NKAIN2: variants seen among roughly 807,000 people sequenced by gnomAD.
The protein encoded by NKAIN2 is sodium/potassium transporting ATPase interacting 2.
Under a neutral mutation model 32.6 loss-of-function variants are expected in NKAIN2, and 14 were observed. The ratio of observed to expected loss-of-function variants is 0.43; its 90% confidence interval spans 0.28 to 0.67. The LOEUF (loss-of-function observed/expected upper bound fraction) is 0.67. Among genes scored for constraint, NKAIN2 ranks in the 30% least tolerant of loss-of-function variants. The pLI is 0.17. For missense variants in NKAIN2, 198 were observed against 258.3 expected (o/e 0.77, Z 1.60); for synonymous variants, 80 against 87.2 (o/e 0.92, Z 0.46).
At chr6:124,562,700 CA>C (rs1488975869) in intron 3 of NKAIN2, among the ~76,000 whole-genome samples, 1 of 151,862 alleles carries the variant, frequency 6.6e-6, no homozygotes, top group Non-Finnish European at 1.5e-5. Flanking sequence ...TTTTCCAAAG[CA>C]AAAAACTTCC....
chr6:123,854,674 A>G (rs1475497281), intron 1 of NKAIN2, among the ~76,000 whole-genome samples: 2 of 152,176 alleles, frequency 1.3e-5, no homozygotes, highest in Non-Finnish European at 2.9e-5. Context: ...GATTAGCCTT[A>G]GAGTACATAA....
At chr6:124,344,495 T>C (rs1190719458) in intron 2 of NKAIN2, among the ~76,000 whole-genome samples, 3 of 151,610 alleles carry the variant, frequency 2.0e-5, no homozygotes, top group African/African-American at 7.3e-5. Flanking sequence ...GTTTGTATCC[T>C]CTTTTATTTC....
chr6:124,736,949 ATAATAAT>A (rs1776974719), intron 4 of NKAIN2, among the ~76,000 whole-genome samples: 2 of 151,946 alleles, frequency 1.3e-5, no homozygotes, highest in Non-Finnish European at 2.9e-5. Flanking sequence ...GATTACATAG[ATAATAAT>A]TTATATGAAG....
At chr6:124,665,011 C>A (rs1772721444) in intron 4 of NKAIN2, among the ~76,000 whole-genome samples, 1 of 151,646 alleles carries the variant, frequency 6.6e-6, no homozygotes, top group Admixed American at 6.6e-5. Context: ...GTAGTAGGTC[C>A]CTTTAACATC....
chr6:124,413,606 G>A (rs1278664255), intron 3 of NKAIN2, among the ~76,000 whole-genome samples: 1 of 152,142 alleles, frequency 6.6e-6, no homozygotes, highest in East Asian at 1.9e-4. Flanking sequence ...GATTGGGATA[G>A]GGATTGCACT....
chr6:124,774,619 A>G (rs7753150), intron 4 of NKAIN2, among the ~76,000 whole-genome samples: 24,158 of 151,894 alleles, frequency 0.16, 2,325 homozygotes, highest in African/African-American at 0.26. Context: ...ACTTTGGGAG[A>G]CTGAGGCAGG....
chr6:124,269,853 A>C (rs1183707244), intron 1 of NKAIN2, among the ~76,000 whole-genome samples: 1 of 151,940 alleles, frequency 6.6e-6, no homozygotes, highest in African/African-American at 2.4e-5. Context: ...CTTTCATTTC[A>C]TCTCTTGATT....
chr6:124,256,111 T>G (rs1210955364), intron 1 of NKAIN2, among the ~76,000 whole-genome samples: 1 of 152,168 alleles, frequency 6.6e-6, no homozygotes, highest in African/African-American at 2.4e-5. Flanking sequence ...AGCAAGTCAG[T>G]TGGCAAAAAG....
chr6:124,152,106 T>A (rs760524634), intron 1 of NKAIN2, among the ~76,000 whole-genome samples: 5 of 151,996 alleles, frequency 3.3e-5, no homozygotes, highest in Non-Finnish European at 7.4e-5. Flanking sequence ...TTTAAATTTA[T>A]GATCTATCTC....
intron 3 of NKAIN2, among the ~76,000 whole-genome samples, chr6:124,565,471 G>A (rs1309216855): frequency 1.3e-5 from 2 of 152,178 alleles, no homozygotes; most frequent in East Asian, 1.9e-4. Flanking sequence ...GTGATATGTC[G>A]ATTGCCATTC....
At chr6:124,434,691 A>G (rs1437122848) in intron 3 of NKAIN2, among the ~76,000 whole-genome samples, 1 of 152,226 alleles carries the variant, frequency 6.6e-6, no homozygotes, top group Non-Finnish European at 1.5e-5. Flanking sequence ...TGTTCAGTCT[A>G]GTGAAATATT....
chr6:123,911,803 A>ATATATATATATG (rs1562253423), intron 1 of NKAIN2, among the ~76,000 whole-genome samples: 60 of 98,560 alleles, frequency 6.1e-4, no homozygotes, highest in South Asian at 1.6e-3. Flanking sequence ...ATATATATGT[A>ATATATATATATG]TATATATATA....
At chr6:124,797,996 CCTT>C (rs1412406003) in intron 5 of NKAIN2, among the ~76,000 whole-genome samples, 5 of 152,018 alleles carry the variant, frequency 3.3e-5, no homozygotes, top group Non-Finnish European at 7.4e-5. Context: ...TGCCTGCCTG[CCTT>C]CTTACCTTCC....
At chr6:124,347,623 G>A (rs9388324) in intron 2 of NKAIN2, among the ~76,000 whole-genome samples, 25,730 of 151,776 alleles carry the variant, frequency 0.17, 2,373 homozygotes, top group African/African-American at 0.24. Context: ...CCAGTTGATC[G>A]CATCAGCTCC....
rs377602959 is a variant in NKAIN2, at chr6:124,459,073, T to C, written c.273+103726T>C. Among the ~76,000 whole-genome samples, 5 of 151,984 alleles carry C rather than the reference T, an allele frequency of 3.3e-5. No individual in the cohort carries two copies. In the East Asian group the frequency reaches 7.7e-4, roughly 24 times the overall value. On this transcript the variant is annotated intron_variant, in intron 3 of 6. Coordinates refer to ENST00000368417, the MANE Select transcript of NKAIN2 (RefSeq NM_001040214.3). The stretch of plus-strand genomic sequence containing the variant: ...AGTTTTTGATCACCAAAGGCAAGTA[T>C]AATGTGGGTACGCTAAAATTCCCTT...
intron 4 of NKAIN2, among the ~76,000 whole-genome samples, chr6:124,735,525 T>G (rs1441441400): frequency 1.3e-5 from 2 of 151,902 alleles, no homozygotes; most frequent in Non-Finnish European, 2.9e-5. Context: ...ATATCTTGTT[T>G]TATTGGGCTT....
intron 3 of NKAIN2, among the ~76,000 whole-genome samples, chr6:124,525,539 A>G (rs1583387706): frequency 6.6e-6 from 1 of 152,298 alleles, no homozygotes; most frequent in East Asian, 1.9e-4. Context: ...GCAATGATGG[A>G]AAAAAACTTA....
At chr6:124,527,323 TG>T (rs1187199638) in intron 3 of NKAIN2, among the ~76,000 whole-genome samples, 1 of 152,174 alleles carries the variant, frequency 6.6e-6, no homozygotes, top group East Asian at 1.9e-4. Context: ...TTTCACCCCC[TG>T]CCATTACGTT....
intron 1 of NKAIN2, among the ~76,000 whole-genome samples, chr6:123,822,242 T>C (rs1773955775): frequency 6.6e-6 from 1 of 152,220 alleles, no homozygotes; most frequent in Non-Finnish European, 1.5e-5. Flanking sequence ...CAACTAATTT[T>C]TTATGCCTTG....
Sources: gnomAD v4.1 joint callset for allele counts (sites outside exome capture counted in the v4.1 genomes callset) on GRCh38, gnomAD v4.1.1 for gene constraint, MANE v1.5 for transcripts, NCBI Gene and HGNC (gene_info 2026-07-23, HGNC 2026-07-21) for gene names.